GSE1: variants seen among roughly 807,000 people sequenced by gnomAD.
GSE1 encodes the protein Gse1 coiled-coil protein, also known as genetic suppressor element 1.
GSE1 carries 32 observed loss-of-function variants against 112.6 expected under a neutral mutation model. The ratio of observed to expected loss-of-function variants is 0.28; its 90% CI spans 0.21 to 0.38. The LOEUF is 0.38. Among genes scored for constraint, GSE1 ranks in the 10% least tolerant of loss-of-function variants. GSE1 has a pLI of 1.00. For missense variants in GSE1, 2,348 were observed against 1,699.2 expected, an observed-to-expected ratio of 1.38 and a Z score of -6.71; for synonymous variants, 1,115 against 735.6, an observed-to-expected ratio of 1.52 and a Z score of -8.35.
chr16:85,528,946 C>T (rs1415719658), intron 2 of GSE1, among the ~76,000 whole-genome samples: 1 of 152,062 alleles, frequency 6.6e-6, no homozygotes, highest in African/African-American at 2.4e-5. Flanking sequence ...GCTCAAGACC[C>T]CAGAGGCCAT....
At chr16:85,514,646 T>C (rs1318165951) in intron 2 of GSE1, among the ~76,000 whole-genome samples, 1 of 152,180 alleles carries the variant, frequency 6.6e-6, no homozygotes, top group Non-Finnish European at 1.5e-5. Flanking sequence ...TCTGCGCCCA[T>C]TGTCCCTGGG....
intron 1 of GSE1, among the ~76,000 whole-genome samples, chr16:85,578,622 A>G (rs950413869): frequency 1.1e-4 from 16 of 152,216 alleles, no homozygotes; most frequent in African/African-American, 3.6e-4. Context: ...GAGGTGGTAG[A>G]TGCAGGAATC....
At chr16:85,632,700 A>G (rs1273626030) in intron 1 of GSE1, among the ~76,000 whole-genome samples, 1 of 151,988 alleles carries the variant, frequency 6.6e-6, no homozygotes, top group African/African-American at 2.4e-5. Flanking sequence ...CCCCATAGGA[A>G]GTGCACAGTC....
chr16:85,364,032 G>A (rs865814981), intron 2 of GSE1, among the ~76,000 whole-genome samples: 3 of 152,306 alleles, frequency 2.0e-5, no homozygotes, highest in African/African-American at 7.2e-5. Flanking sequence ...ACTCTCACAC[G>A]CACACATAGT....
intron 1 of GSE1, among the ~76,000 whole-genome samples, chr16:85,309,489 G>A (rs1567678998): frequency 7.2e-6 from 1 of 138,404 alleles, no homozygotes; most frequent in East Asian, 2.3e-4. Flanking sequence ...GCCAGACCCT[G>A]TCTCTAAAAC....
chr16:85,378,057 G>T (rs1375717056), intron 2 of GSE1, among the ~76,000 whole-genome samples: 1 of 152,206 alleles, frequency 6.6e-6, no homozygotes, highest in Non-Finnish European at 1.5e-5. Flanking sequence ...GGGAATGGCA[G>T]CCACGTCTCT....
intron 2 of GSE1, among the ~76,000 whole-genome samples, chr16:85,401,359 G>C (rs2151671539): frequency 6.6e-6 from 1 of 152,176 alleles, no homozygotes; most frequent in East Asian, 1.9e-4. Context: ...CCATCAGAGT[G>C]GGTGGGGTGG....
chr16:85,609,066 G>A (rs137916074), upstream of GSE1, among the ~76,000 whole-genome samples: 4 of 152,312 alleles, frequency 2.6e-5, no homozygotes, highest in East Asian at 1.9e-4. Flanking sequence ...TGACAGTCAC[G>A]GGTGGCGCCC....
chr16:85,589,140 T>C (rs1057224112), intron 1 of GSE1, among the ~76,000 whole-genome samples: 22 of 152,040 alleles, frequency 1.4e-4, no homozygotes, highest in Non-Finnish European at 2.4e-4. Flanking sequence ...CTGGGGACTT[T>C]TCAGGCCCCA....
intron 2 of GSE1, among the ~76,000 whole-genome samples, chr16:85,479,424 C>T (rs2050604605): frequency 6.6e-6 from 1 of 151,910 alleles, no homozygotes; most frequent in African/African-American, 2.4e-5. Flanking sequence ...ACGTCTCAGC[C>T]TCCCAAAGTG....
At chr16:85,203,445 C>T (rs2075064152) in intron 1 of GSE1, among the ~76,000 whole-genome samples, 1 of 152,194 alleles carries the variant, frequency 6.6e-6, no homozygotes, top group East Asian at 1.9e-4. Flanking sequence ...GGGACACGGC[C>T]TGCCCCTGTG....
At chr16:85,636,628 G>A (rs930013415) in intron 2 of GSE1, among the ~76,000 whole-genome samples, 18 of 152,296 alleles carry the variant, frequency 1.2e-4, no homozygotes, top group Non-Finnish European at 2.2e-4. Flanking sequence ...AGGACAAGTC[G>A]CAAGACGGCA....
chr16:85,328,414 G>T (rs891431454), intron 1 of GSE1, among the ~76,000 whole-genome samples: 1 of 152,186 alleles, frequency 6.6e-6, no homozygotes, highest in Admixed American at 6.5e-5. Flanking sequence ...AAGGCACAGC[G>T]GGGGCCGGAG....
chr16:85,615,382 C>G (rs898904571), intron 1 of GSE1, among the ~76,000 whole-genome samples: 8 of 152,344 alleles, frequency 5.3e-5, no homozygotes, highest in African/African-American at 1.9e-4. Context: ...CAGCCAGCCC[C>G]GTGTCGGCAG....
At chr16:85,544,325 G>A (rs2044623898) in intron 2 of GSE1, among the ~76,000 whole-genome samples, 1 of 152,202 alleles carries the variant, frequency 6.6e-6, no homozygotes, top group Non-Finnish European at 1.5e-5. Context: ...TGCCAGGACA[G>A]AGGAGCCATT....
chr16:85,311,850 C>A lies in GSE1; in HGVS notation c.2284-45613C>A, dbSNP rs931575792. ...TGACCTGTGGCCCCAGCCGCGAGTC[C>A]TTCTCACCCCAGACCCCAGCGTCTG... On this transcript the variant is annotated intron_variant, in intron 1 of 2. Coordinates refer to the GSE1 transcript ENST00000637419. This position sits in a 1 kb window ranked among gnomAD's most constrained non-coding sequence, Gnocchi z 4.2. Among the ~76,000 whole-genome samples, 1 of 152,172 alleles carries A rather than the reference C, an allele frequency of 6.6e-6. No individual in the cohort carries two copies. The highest frequency in any genetic ancestry group is 2.4e-5 in the African/African-American group (1 of 41,442).
intron 1 of GSE1, among the ~76,000 whole-genome samples, chr16:85,569,829 CG>C (rs2045908899): frequency 6.6e-6 from 1 of 152,180 alleles, no homozygotes; most frequent in African/African-American, 2.4e-5. Context: ...CCAGTCTCTC[CG>C]GGGGGCCTTG....
chr16:85,513,718 G>A (rs2051823465), intron 2 of GSE1, among the ~76,000 whole-genome samples: 1 of 152,148 alleles, frequency 6.6e-6, no homozygotes, highest in Admixed American at 6.5e-5. Flanking sequence ...CCTGCCTGGT[G>A]CAAGGCCCCT....
intron 1 of GSE1, among the ~76,000 whole-genome samples, chr16:85,179,259 G>A (rs902944703): frequency 1.3e-5 from 2 of 152,074 alleles, no homozygotes; most frequent in Non-Finnish European, 2.9e-5. Context: ...CATCTAATTC[G>A]TGCCTTTTTG....
Sources: allele counts gnomAD v4.1 joint callset (sites outside exome capture counted in the v4.1 genomes callset), GRCh38; gene constraint gnomAD v4.1.1; non-coding constraint Gnocchi (gnomAD v3.1); transcripts MANE v1.5; gene names NCBI Gene and HGNC (gene_info 2026-07-23, HGNC 2026-07-21).